Variants in CABCOCO1 observed in about 807,000 individuals in gnomAD.
CABCOCO1 encodes the protein ciliary-associated calcium-binding coiled-coil protein 1.
In CABCOCO1, 28 loss-of-function variants were observed where a neutral mutation model predicts 35.7. The ratio of observed to expected loss-of-function variants is 0.78; its 90% CI spans 0.58 to 1.07. CABCOCO1 has a LOEUF of 1.07. Ranked by LOEUF, CABCOCO1 falls within the 50% of genes least tolerant of loss-of-function variation. CABCOCO1 has a pLI of 0.00. For synonymous variants in CABCOCO1, 95 were observed against 100.1 expected, an observed-to-expected ratio of 0.95 and a Z score of 0.30; for missense variants, 326 against 309.2, an observed-to-expected ratio of 1.05 and a Z score of -0.41.
intron 5 of CABCOCO1, among the ~76,000 whole-genome samples, chr10:61,738,228 G>A (rs1046040538): frequency 1.1e-4 from 17 of 151,992 alleles, no homozygotes; most frequent in African/African-American, 3.6e-4. Context: ...GCCAGCATAC[G>A]TTCATCTACC....
At chr10:61,680,652 T>TTGTTATACATGTATAACATATA (rs1554821553) in intron 2 of CABCOCO1, among the ~76,000 whole-genome samples, 3 of 38,046 alleles carry the variant, frequency 7.9e-5, no homozygotes, top group Admixed American at 5.2e-4. Context: ...ATAATATATA[T>TTGTTATACATGTATAACATATA]TATGTTATAC....
chr10:61,739,707 T>C (rs1485768434), intron 5 of CABCOCO1, among the ~76,000 whole-genome samples: 3 of 152,136 alleles, frequency 2.0e-5, no homozygotes, highest in Non-Finnish European at 4.4e-5. Flanking sequence ...ATCCCAGCAC[T>C]TTGGGAGGCT....
chr10:61,681,305 T>C lies in CABCOCO1; in HGVS notation c.327T>C (p.Asn109=), dbSNP rs928198196. ...FMTLLAMSLQ[N]LKTLHMSLEE... The stretch of plus-strand genomic sequence containing the variant: ...CTTTACTAGCTATGTCACTTCAAAA[T>C]CTTAAAAGTAAGTACACTATTTTCC... The change falls in exon 3 of 8, where the codon AAT becomes AAC. Residue 109 remains asparagine (N), a synonymous_variant. Transcript: ENST00000648843. The C allele has an allele frequency of 1.9e-6, 3 of 1,544,214 alleles. No homozygotes were observed. The highest frequency in any genetic ancestry group is 2.8e-5 in the African/African-American group (2 of 72,440).
At position 61,725,903 on chromosome 10, in the gene CABCOCO1, GA is replaced by G. The variant is rs1201539703; in HGVS notation, c.553-34147del. On this transcript the variant is annotated intron_variant, in intron 5 of 7. Coordinates refer to ENST00000648843, the MANE Select transcript of CABCOCO1 (RefSeq NM_001366906.2). The stretch of plus-strand genomic sequence containing the variant: ...TTATAAAAATAAACACTTATACCAA[GA>G]AAAAAAAAGAAAGAAAAAGATATTC... 3.3e-5 allele frequency among the ~76,000 whole-genome samples: 5 copies of G among 150,294 alleles called. No individual in the cohort carries two copies. The South Asian group carries it at 8.4e-4, about 25-fold the overall frequency.
chr10:61,744,028 G>C (rs1170589707), intron 5 of CABCOCO1, among the ~76,000 whole-genome samples: 2 of 152,138 alleles, frequency 1.3e-5, no homozygotes, highest in African/African-American at 2.4e-5. Context: ...CCTTTGTGTT[G>C]TTTGTCTCTG....
chr10:61,673,865 C>A (rs187662563), intron 2 of CABCOCO1, among the ~76,000 whole-genome samples: 1 of 152,168 alleles, frequency 6.6e-6, no homozygotes, highest in South Asian at 2.1e-4. Flanking sequence ...AATTAAGGTT[C>A]GTTAGGAATT....
intron 5 of CABCOCO1, among the ~76,000 whole-genome samples, chr10:61,702,929 G>A (rs373926344): frequency 2.8e-4 from 41 of 145,664 alleles, no homozygotes; most frequent in Admixed American, 1.7e-3. Context: ...AAAAAAACAG[G>A]AAAAAAAAAA....
intron 5 of CABCOCO1, among the ~76,000 whole-genome samples, chr10:61,738,386 T>C (rs919367352): frequency 6.6e-6 from 1 of 152,184 alleles, no homozygotes; most frequent in Non-Finnish European, 1.5e-5. Context: ...GAAGGCAAGA[T>C]AAAATACTGT....
chr10:61,733,762 A>G (rs539153886), intron 5 of CABCOCO1, among the ~76,000 whole-genome samples: 1 of 152,164 alleles, frequency 6.6e-6, no homozygotes, highest in East Asian at 1.9e-4. Context: ...TTTTATCTAC[A>G]TTTCTTATTT....
intron 5 of CABCOCO1, among the ~76,000 whole-genome samples, chr10:61,741,059 G>A (rs1307370074): frequency 2.0e-5 from 3 of 151,918 alleles, no homozygotes; most frequent in Admixed American, 6.6e-5. Flanking sequence ...CAAGAGAATC[G>A]CTTGAACCCA....
chr10:61,760,370 C>T (rs1361798063), intron 6 of CABCOCO1, among the ~76,000 whole-genome samples, 189 bp downstream of exon 6: 1 of 151,982 alleles, frequency 6.6e-6, no homozygotes, highest in African/African-American at 2.4e-5. Context: ...TAATCTTTTC[C>T]ACCCTACCCT....
chr10:61,690,814 C>T (rs1840115892), intron 5 of CABCOCO1, among the ~76,000 whole-genome samples, 193 bp downstream of exon 5: 1 of 151,954 alleles, frequency 6.6e-6, no homozygotes, highest in South Asian at 2.1e-4. Flanking sequence ...GGTCTTTTGG[C>T]ATTAAAAGCA....
At chr10:61,744,097 T>C (rs182241873) in intron 5 of CABCOCO1, among the ~76,000 whole-genome samples, 3 of 152,252 alleles carry the variant, frequency 2.0e-5, no homozygotes, top group Non-Finnish European at 4.4e-5. Context: ...AAGGTGAAAA[T>C]GATAATATAA....
chr10:61,694,958 T>C (rs1189400850), intron 5 of CABCOCO1, among the ~76,000 whole-genome samples: 3 of 152,124 alleles, frequency 2.0e-5, no homozygotes, highest in Admixed American at 6.6e-5. Flanking sequence ...GTGTATAGTG[T>C]TGTTAACTTC....
intron 1 of CABCOCO1, among the ~76,000 whole-genome samples, chr10:61,670,786 C>T (rs960262657): frequency 1.3e-5 from 2 of 152,178 alleles, no homozygotes; most frequent in African/African-American, 4.8e-5. Flanking sequence ...TCTCCTCTTC[C>T]ATCTCCCCTT....
chr10:61,744,922 A>G (rs150897482), intron 5 of CABCOCO1, among the ~76,000 whole-genome samples: 76 of 152,332 alleles, frequency 5.0e-4, no homozygotes, highest in Non-Finnish European at 9.4e-4. Flanking sequence ...AATGTGCGCT[A>G]TATTCTGCAG....
intron 5 of CABCOCO1, among the ~76,000 whole-genome samples, chr10:61,723,290 C>T (rs942590052): frequency 5.1e-4 from 77 of 152,196 alleles, no homozygotes; most frequent in South Asian, 6.2e-4. Flanking sequence ...TATTCTCACA[C>T]ATTACTGATA....
chr10:61,699,716 T>C (rs1287857660), intron 5 of CABCOCO1, among the ~76,000 whole-genome samples: 1 of 152,152 alleles, frequency 6.6e-6, no homozygotes, highest in Non-Finnish European at 1.5e-5. Flanking sequence ...TACCTTTTAC[T>C]TGTTATTTCC....
chr10:61,715,412 A>G (rs909185635), intron 5 of CABCOCO1, among the ~76,000 whole-genome samples: 4 of 152,120 alleles, frequency 2.6e-5, no homozygotes, highest in East Asian at 1.9e-4. Flanking sequence ...GCATCTTTGC[A>G]TGTGAGAGGC....
Sources: allele counts gnomAD v4.1 joint callset (sites outside exome capture counted in the v4.1 genomes callset), GRCh38; gene constraint gnomAD v4.1.1; transcripts MANE v1.5; gene names NCBI Gene and HGNC (gene_info 2026-07-23, HGNC 2026-07-21).